The following STRN variants were observed in gnomAD, a reference collection of about 807,000 sequenced individuals.
STRN encodes the protein protein phosphatase 2 regulatory subunit B'''alpha.
STRN carries 53 observed loss-of-function variants against 96.3 expected under a neutral mutation model. The ratio of observed to expected loss-of-function variants is 0.55; its 90% CI spans 0.44 to 0.69. The LOEUF (loss-of-function observed/expected upper bound fraction) is 0.69. STRN is among the 30% of genes least tolerant of loss of function. STRN has a pLI of 0.00. For synonymous variants in STRN, 428 were observed against 355.9 expected, an observed-to-expected ratio of 1.20 and a Z score of -2.28; for missense variants, 987 against 963.9, an observed-to-expected ratio of 1.02 and a Z score of -0.32.
At chr2:36,902,918 CTG>C (rs1463835030) in intron 4 of STRN, 167 bp from the exon 5 acceptor site, 1 of 451,702 alleles carries the variant, frequency 2.2e-6, no homozygotes, top group African/African-American at 2.0e-5. Flanking sequence ...GCAGATGGAG[CTG>C]TCTCTTGCAG....
intron 1 of STRN, among the ~76,000 whole-genome samples, chr2:36,963,663 A>G (rs866290555): frequency 3.9e-5 from 6 of 152,262 alleles, no homozygotes; most frequent in Middle Eastern, 3.4e-3. Context: ...GCTGTCAAAA[A>G]AGTAGTGTCC....
In STRN at chr2:36,849,283, TTA is replaced by T; in HGVS notation, c.*171_*172del. 1.3e-6 allele frequency: 1 copy of T among 752,052 alleles called. No homozygotes were observed. The highest frequency in any genetic ancestry group is 3.0e-5 in the Admixed American group (1 of 33,248). 46.6% of individuals were successfully genotyped at this position (752,052 alleles called of 1,614,324 possible). On this transcript the variant is annotated 3_prime_UTR_variant, in exon 18 of 18. Transcript: ENST00000263918. ...GAGCTTGCAGCAACCTGAACAAACC[TTA>T]GTTTTAGAAAACAGTATATGAATTG...
Position 36,849,495 on chromosome 2 carries a change from G to C in STRN, c.2304C>G (p.Ala768=). The change falls in exon 18 of 18, where the codon GCC becomes GCG. Residue 768 remains alanine, a synonymous_variant. Coordinates refer to ENST00000263918, the MANE Select transcript of STRN (RefSeq NM_003162.4). ...TAGCCAGTGCGTCAGCTCCAGCACT[G>C]GCTATATAGCATTTGGATGGGTGGA... ...VAFHPSKCYI[A]SAGADALAKV... The C allele has an allele frequency of 2.5e-6, 4 of 1,614,066 alleles. No homozygotes were observed. The highest frequency in any genetic ancestry group is 3.4e-6 in the Non-Finnish European group (4 of 1,179,972).
intron 15 of STRN, 57 bp downstream of exon 15, chr2:36,855,155 G>T (rs548023335): frequency 8.9e-6 from 14 of 1,568,718 alleles, no homozygotes; most frequent in African/African-American, 2.7e-5. Flanking sequence ...TCTAGTAGTC[G>T]TAATTTTGAT....
chr2:36,851,882 T>C (rs996658570), intron 15 of STRN, among the ~76,000 whole-genome samples: 2 of 152,220 alleles, frequency 1.3e-5, no homozygotes, highest in Non-Finnish European at 2.9e-5. Flanking sequence ...CTCATCATAA[T>C]AGAAATGGTC....
chr2:36,931,297 A>G (rs1035930838), intron 1 of STRN, among the ~76,000 whole-genome samples: 2 of 152,178 alleles, frequency 1.3e-5, no homozygotes, highest in African/African-American at 4.8e-5. Flanking sequence ...AATATATTTC[A>G]GTTCAATCAC....
chr2:36,860,748 G>T (rs918180236), intron 13 of STRN, among the ~76,000 whole-genome samples: 2 of 152,118 alleles, frequency 1.3e-5, no homozygotes, highest in East Asian at 3.8e-4. Context: ...AATTGACCAA[G>T]GGGATGGCAC....
chr2:36,871,927 C>A (rs1299925771), intron 10 of STRN, among the ~76,000 whole-genome samples: 2 of 152,134 alleles, frequency 1.3e-5, no homozygotes, highest in African/African-American at 4.8e-5. Flanking sequence ...AATAAGAGAA[C>A]ATAAAATACA....
In STRN at chr2:36,893,931, C is replaced by T. The variant is rs773471784; in HGVS notation, c.898G>A (p.Glu300Lys). The change falls in exon 7 of 18, where the codon GAA (glutamate) becomes AAA (lysine). Residue 300 changes from glutamate to lysine, a missense_variant. Physicochemically the swap from Glu to Lys is moderately conservative, Grantham distance 56. Coordinates refer to ENST00000263918, the MANE Select transcript of STRN (RefSeq NM_003162.4). ...GTTCCATCGCCTGCACTTCTAGATT[C>T]ATTGTCTCCTTCCTCTGATGTAACC... is the stretch of plus-strand genomic sequence containing the variant. ...FLVTSEEGDNESRSAGDGTDW... is the reference protein window; with the variant it reads ...FLVTSEEGDNKSRSAGDGTDW... The T allele has an allele frequency of 1.2e-6, 2 of 1,613,320 alleles. No homozygotes were observed. The highest frequency in any genetic ancestry group is 3.3e-5 in the Admixed American group (2 of 59,872).
chr2:36,909,812 A>G (rs183666301), intron 3 of STRN, among the ~76,000 whole-genome samples: 2 of 152,324 alleles, frequency 1.3e-5, no homozygotes, highest in East Asian at 3.9e-4. Flanking sequence ...GTCACATTAT[A>G]CACAGAGGAA....
rs376395365 is a variant in STRN, at chr2:36,910,004, T to C, written c.413-4386A>G. 4.6e-5 allele frequency among the ~76,000 whole-genome samples: 7 copies of C among 151,854 alleles called. No individual in the cohort carries two copies. The East Asian group carries it at 7.7e-4, about 17-fold the overall frequency. ...CCTGGCCAACATGGTAAAACCCCAT[T>C]TCTACTAAAAATACAAAAATTATCC... On this transcript the variant is annotated intron_variant, in intron 3 of 17. Coordinates refer to ENST00000263918, the MANE Select transcript of STRN (RefSeq NM_003162.4).
chr2:36,901,876 T>C (rs1019086198), intron 5 of STRN, among the ~76,000 whole-genome samples: 1 of 152,206 alleles, frequency 6.6e-6, no homozygotes, highest in Non-Finnish European at 1.5e-5. Context: ...AGAAAATTTA[T>C]AGAGTTCAAT....
At chr2:36,948,538 T>C (rs551940018) in intron 1 of STRN, among the ~76,000 whole-genome samples, 72 of 152,336 alleles carry the variant, frequency 4.7e-4, no homozygotes, top group Middle Eastern at 3.4e-3. Context: ...TAACAACATA[T>C]ACCGTGATAG....
intron 15 of STRN, among the ~76,000 whole-genome samples, chr2:36,853,024 G>A (rs1166902436): frequency 6.6e-6 from 1 of 152,166 alleles, no homozygotes; most frequent in Non-Finnish European, 1.5e-5. Flanking sequence ...AGATATGGTG[G>A]CACACGCCTG....
intron 5 of STRN, 112 bp from the exon 6 acceptor site, chr2:36,899,770 A>G: frequency 1.0e-6 from 1 of 972,220 alleles, no homozygotes; most frequent in African/African-American, 1.7e-5. Flanking sequence ...TAAATCCCAA[A>G]TCACATTATC....
At chr2:36,920,830 A>G (rs1670233471) in intron 2 of STRN, among the ~76,000 whole-genome samples, 1 of 152,046 alleles carries the variant, frequency 6.6e-6, no homozygotes. Context: ...TGATCCCAAC[A>G]CTTTCGGAGG....
At chr2:36,932,388 C>G (rs1483050010) in intron 1 of STRN, among the ~76,000 whole-genome samples, 4 of 152,124 alleles carry the variant, frequency 2.6e-5, no homozygotes, top group African/African-American at 9.7e-5. Context: ...CTCCTGACCT[C>G]GGGTGATCTG....
chr2:36,886,589 G>T, intron 8 of STRN, 127 bp downstream of exon 8: 1 of 686,524 alleles, frequency 1.5e-6, no homozygotes. Flanking sequence ...GAGAGCAGGT[G>T]AAAAGGAAAG....
At chr2:36,866,401 G>A (rs1386124832) in intron 12 of STRN, among the ~76,000 whole-genome samples, 2 of 152,220 alleles carry the variant, frequency 1.3e-5, no homozygotes, top group Non-Finnish European at 2.9e-5. Flanking sequence ...TGGTCTGAGA[G>A]TGTGGTTGGC....
Sources: gnomAD v4.1 joint callset for allele counts (sites outside exome capture counted in the v4.1 genomes callset) on GRCh38, gnomAD v4.1.1 for gene constraint, MANE v1.5 for transcripts, NCBI Gene and HGNC (gene_info 2026-07-23, HGNC 2026-07-21) for gene names.